The following STXBP4 variants were observed in gnomAD, a reference collection of about 807,000 sequenced individuals.
STXBP4 encodes the protein syntaxin-binding protein 4.
STXBP4 carries 55 observed loss-of-function variants against 76.1 expected under a neutral mutation model. The ratio of observed to expected loss-of-function variants is 0.72; its 90% CI spans 0.58 to 0.91. The LOEUF (loss-of-function observed/expected upper bound fraction) is 0.91. Ranked by LOEUF, STXBP4 falls within the 40% of genes least tolerant of loss-of-function variation. STXBP4 has a pLI of 0.00. For missense variants in STXBP4, 618 were observed against 636.9 expected, an observed-to-expected ratio of 0.97 and a Z score of 0.32; for synonymous variants, 201 against 220.2, an observed-to-expected ratio of 0.91 and a Z score of 0.77.
Position 55,169,310 on chromosome 17 carries a change from C to CA in STXBP4, c.*9400dup, listed in dbSNP as rs2080394328. ...AAAAGGTTCTACAGTAGGTTCAAGT[C>CA]AGAGGCCAGAGAACCCAGAGTATTT... On this transcript the variant is annotated 3_prime_UTR_variant, in exon 18 of 18. Transcript: ENST00000376352. The CA allele has an allele frequency of 7.2e-6, 1 of 139,356 alleles. No homozygotes were observed. The highest frequency in any genetic ancestry group is 2.7e-5 in the African/African-American group (1 of 36,528). 8.6% of individuals were successfully genotyped at this position (139,356 alleles called of 1,614,324 possible).
At chr17:55,188,800 G>A in the STXBP4 span, among the ~76,000 whole-genome samples, 14 of 152,160 alleles carry the variant, frequency 9.2e-5, no homozygotes, top group Non-Finnish European at 1.6e-4. Context: ...AATGCTTTCC[G>A]AGTTTCCTCT....
intron 8 of STXBP4, among the ~76,000 whole-genome samples, chr17:55,023,360 A>G (rs573309883): frequency 1.8e-4 from 28 of 152,352 alleles, no homozygotes; most frequent in Middle Eastern, 6.8e-3. Flanking sequence ...ATTTGCATGT[A>G]TATGTAATGA....
At chr17:55,052,266 C>T (rs1237576547) in intron 12 of STXBP4, among the ~76,000 whole-genome samples, 1 of 152,098 alleles carries the variant, frequency 6.6e-6, no homozygotes, top group Non-Finnish European at 1.5e-5. Flanking sequence ...AGGACGTGCT[C>T]AAAATGACAG....
chr17:55,137,518 T>C (rs2080045014), intron 16 of STXBP4, among the ~76,000 whole-genome samples: 1 of 152,170 alleles, frequency 6.6e-6, no homozygotes, highest in Admixed American at 6.6e-5. Context: ...GATAAGTTTC[T>C]ACAAGAAAAA....
chr17:55,091,587 A>G (rs1486068742), intron 16 of STXBP4, among the ~76,000 whole-genome samples: 1 of 151,946 alleles, frequency 6.6e-6, no homozygotes, highest in Admixed American at 6.6e-5. Context: ...TCCCCAAGAG[A>G]AAAAAAACTA....
At chr17:55,137,853 A>G (rs368787235) in intron 16 of STXBP4, among the ~76,000 whole-genome samples, 44 of 152,258 alleles carry the variant, frequency 2.9e-4, no homozygotes, top group African/African-American at 9.1e-4. Context: ...CATCAATATG[A>G]GAATGACTGT....
At chr17:55,097,623 ACT>A (rs1295868393) in intron 16 of STXBP4, among the ~76,000 whole-genome samples, 1 of 151,760 alleles carries the variant, frequency 6.6e-6, no homozygotes, top group Non-Finnish European at 1.5e-5. Context: ...AGGTTGTGCC[ACT>A]GCACTCCAGC....
intron 8 of STXBP4, among the ~76,000 whole-genome samples, chr17:55,017,989 G>A (rs1323735573): frequency 1.3e-5 from 2 of 152,048 alleles, no homozygotes; most frequent in Non-Finnish European, 2.9e-5. Flanking sequence ...CTTCGTGGTC[G>A]CCAAAATGTT....
chr17:55,069,516 A>T (rs952414549), intron 12 of STXBP4, among the ~76,000 whole-genome samples: 6 of 152,144 alleles, frequency 3.9e-5, no homozygotes, highest in African/African-American at 1.2e-4. Context: ...TGTATTGCTA[A>T]ATACGGCACA....
At chr17:55,144,310 T>G (rs1054813720) in intron 17 of STXBP4, among the ~76,000 whole-genome samples, 1 of 151,470 alleles carries the variant, frequency 6.6e-6, no homozygotes, top group African/African-American at 2.4e-5. Flanking sequence ...CATAAGTTAG[T>G]TTTTTTTTGT....
chr17:55,044,330 G>A (rs893527071), intron 11 of STXBP4: 3 of 151,236 alleles, frequency 2.0e-5, no homozygotes, highest in East Asian at 3.9e-4. Context: ...TATTAAATAA[G>A]GTATAGTATA....
At chr17:55,108,913 G>A (rs114715184) in intron 16 of STXBP4, among the ~76,000 whole-genome samples, 1 of 152,210 alleles carries the variant, frequency 6.6e-6, no homozygotes, top group Admixed American at 6.5e-5. Context: ...ATTCCTAATT[G>A]CCCTGTTGGA....
At chr17:55,008,131 A>C (rs1446569557) in intron 8 of STXBP4, among the ~76,000 whole-genome samples, 3 of 152,200 alleles carry the variant, frequency 2.0e-5, no homozygotes, top group African/African-American at 7.2e-5. Flanking sequence ...TAAGATGATT[A>C]AAAAAGAAAA....
intron 12 of STXBP4, among the ~76,000 whole-genome samples, chr17:55,056,057 A>G (rs930731749): frequency 1.3e-5 from 2 of 152,190 alleles, no homozygotes; most frequent in Admixed American, 1.3e-4. Flanking sequence ...GTAACCGAAG[A>G]TCAGATAAAA....
At chr17:55,196,148 T>C in the STXBP4 span, among the ~76,000 whole-genome samples, 1 of 152,172 alleles carries the variant, frequency 6.6e-6, no homozygotes, top group African/African-American at 2.4e-5. Flanking sequence ...AATGACTTGA[T>C]TGGTAGTCTC....
intron 12 of STXBP4, among the ~76,000 whole-genome samples, chr17:55,056,727 G>A (rs951998853): frequency 2.6e-5 from 4 of 152,100 alleles, no homozygotes; most frequent in Middle Eastern, 6.8e-3. Context: ...AACTGGCCAA[G>A]CCCAGTGGCT....
chr17:55,037,628 A>G (rs989954142), intron 10 of STXBP4, among the ~76,000 whole-genome samples: 1 of 152,158 alleles, frequency 6.6e-6, no homozygotes, highest in Non-Finnish European at 1.5e-5. Flanking sequence ...GCTTCAGATC[A>G]AAATGTCGTG....
At position 55,162,155 on chromosome 17, in the gene STXBP4, C is replaced by T. The variant is rs541691345; in HGVS notation, c.*2244C>T. 1.3e-5 allele frequency: 2 copies of T among 152,230 alleles called. No individual in the cohort carries two copies. Among genetic ancestry groups the T allele is most frequent in the Non-Finnish European group, 2.9e-5 (2 of 68,056 alleles). The allele number at this position is 152,230 out of a possible 1,614,324, so 9.4% of individuals were successfully genotyped here. A position where few individuals can be genotyped will look rare whatever the true frequency, so the allele number is the denominator to read the frequency against. On this transcript the variant is annotated 3_prime_UTR_variant, in exon 18 of 18. Coordinates refer to ENST00000376352, the MANE Select transcript of STXBP4 (RefSeq NM_178509.6). ...ATGGACTGAACCAGTTGGCCACTCT[C>T]TCAGATTCCCTCTTCATAAAGCTTC...
intron 16 of STXBP4, among the ~76,000 whole-genome samples, chr17:55,118,072 G>A (rs375101126): frequency 9.9e-5 from 15 of 151,984 alleles, no homozygotes; most frequent in Middle Eastern, 3.4e-3. Flanking sequence ...GATATGTCAC[G>A]CATTTTGCTA....
Sources: allele counts gnomAD v4.1 joint callset (sites outside exome capture counted in the v4.1 genomes callset), GRCh38; gene constraint gnomAD v4.1.1; transcripts MANE v1.5; gene names NCBI Gene and HGNC (gene_info 2026-07-23, HGNC 2026-07-21).